Variants in SEL1L3 observed in about 807,000 individuals in gnomAD.
SEL1L3 encodes the protein SEL1L family member 3, also known as protein sel-1 homolog 3.
Under a neutral mutation model 142.8 loss-of-function variants are expected in SEL1L3, and 76 were observed. That is an observed-to-expected ratio of 0.53 (90% CI 0.44 to 0.64). The LOEUF is 0.64. SEL1L3 is among the 30% of genes least tolerant of loss of function. The pLI is 0.00. For synonymous variants in SEL1L3, 504 were observed against 519.6 expected (o/e 0.97, Z 0.41); for missense variants, 1,262 against 1,381.7 (o/e 0.91, Z 1.37).
chr4:25,825,209 C>A (rs775824394), intron 6 of SEL1L3, among the ~76,000 whole-genome samples: 7 of 152,060 alleles, frequency 4.6e-5, no homozygotes, highest in Non-Finnish European at 1.0e-4. Context: ...TTTAAATTGT[C>A]ATTATTATCA....
At chr4:25,766,910 C>A (rs1326274707) in intron 19 of SEL1L3, among the ~76,000 whole-genome samples, 1 of 152,190 alleles carries the variant, frequency 6.6e-6, no homozygotes, top group Non-Finnish European at 1.5e-5. Context: ...CCCCACCATG[C>A]AGAGCAGCGT....
the SEL1L3 span, among the ~76,000 whole-genome samples, chr4:25,741,831 A>AT: frequency 5.6e-3 from 844 of 150,354 alleles, 13 homozygotes; most frequent in African/African-American, 0.019. Context: ...TATTATATAT[A>AT]TTTTTTTTGA....
At chr4:25,741,722 A>G in the SEL1L3 span, among the ~76,000 whole-genome samples, 1 of 152,096 alleles carries the variant, frequency 6.6e-6, no homozygotes, top group Non-Finnish European at 1.5e-5. Flanking sequence ...TTTTTGAAGA[A>G]GAGAAATCTG....
Position 25,862,702 on chromosome 4 carries a change from G to T in SEL1L3, c.135C>A (p.Ala45=). The T allele has an allele frequency of 7.7e-7, 1 of 1,302,516 alleles. No homozygotes were observed. Among genetic ancestry groups the T allele is most frequent in the Non-Finnish European group, 9.8e-7 (1 of 1,022,794 alleles). 80.7% of individuals were successfully genotyped at this position (1,302,516 alleles called of 1,614,324 possible). ...GGTAGCAGAGCAGGAGCAGCGCGCA[G>T]GCAGAGCGGCCGCCGAGGCCCTGGG... is the stretch of plus-strand genomic sequence containing the variant. ...GVPQGLGGRS[A]CALLLLCYLN... Residue 45 remains alanine (A), a synonymous_variant, in exon 1 of 24, where the codon GCC becomes GCA. Coordinates refer to ENST00000399878, the MANE Select transcript of SEL1L3 (RefSeq NM_015187.5).
downstream of SEL1L3, chr4:25,747,289 C>T (rs1226737897): frequency 1.3e-5 from 2 of 152,030 alleles, no homozygotes; most frequent in East Asian, 1.9e-4. Flanking sequence ...TTCCTATCCA[C>T]AAATATTAAT....
intron 2 of SEL1L3, among the ~76,000 whole-genome samples, chr4:25,836,123 T>C (rs1036698355): frequency 6.6e-6 from 1 of 152,206 alleles, no homozygotes; most frequent in Non-Finnish European, 1.5e-5. Context: ...ACTAACCATA[T>C]ACCTTAACAT....
At chr4:25,762,615 A>G (rs1206085721) in intron 20 of SEL1L3, among the ~76,000 whole-genome samples, 1 of 152,220 alleles carries the variant, frequency 6.6e-6, no homozygotes, top group African/African-American at 2.4e-5. Context: ...TGGGGCAGCT[A>G]TTAGGGTTAA....
At chr4:25,773,940 CA>C (rs1043857883) in intron 17 of SEL1L3, among the ~76,000 whole-genome samples, 16 of 152,140 alleles carry the variant, frequency 1.1e-4, no homozygotes, top group African/African-American at 3.6e-4. Context: ...CCAAGCTTCC[CA>C]AACCAGGCAT....
chr4:25,733,834 A>G, the SEL1L3 span, among the ~76,000 whole-genome samples: 1 of 152,088 alleles, frequency 6.6e-6, no homozygotes, highest in Admixed American at 6.6e-5. Flanking sequence ...GTTTTTACAA[A>G]GGACTTCCAG....
At chr4:25,761,298 G>A (rs11725099) in intron 20 of SEL1L3, among the ~76,000 whole-genome samples, 49,971 of 151,938 alleles carry the variant, frequency 0.33, 8,304 homozygotes, top group Middle Eastern at 0.42. Context: ...TGGGATTACA[G>A]GTGCCCACAG....
chr4:25,831,851 T>TC (rs1324286389), intron 5 of SEL1L3, among the ~76,000 whole-genome samples: 2 of 151,994 alleles, frequency 1.3e-5, no homozygotes, highest in East Asian at 3.9e-4. Context: ...TTTGTGACAG[T>TC]CCTTTACCTG....
In SEL1L3 at chr4:25,835,229, C is replaced by T. The variant is rs543592758; in HGVS notation, c.828G>A (p.Glu276=). ...KFPRFRNREL[E]ATRRQRMDYP... The stretch of plus-strand genomic sequence containing the variant: ...AATCCATCCTCTGGCGTCGAGTGGC[C>T]TCCAGCTCTCGGTTCCGAAACCTCG... Residue 276 remains glutamate, a synonymous_variant, in exon 3 of 24, where the codon GAG becomes GAA. Transcript: ENST00000399878. 8.2e-5 allele frequency: 132 copies of T among 1,614,034 alleles called. 3 individuals are homozygous for T. The South Asian group carries it at 1.4e-3, about 17-fold the overall frequency.
At chr4:25,809,726 G>T (rs1713888336) in intron 9 of SEL1L3, among the ~76,000 whole-genome samples, 1 of 151,438 alleles carries the variant, frequency 6.6e-6, no homozygotes, top group Admixed American at 6.6e-5. Flanking sequence ...TGTTTTCTTG[G>T]TGTCTCTGTG....
the SEL1L3 span, among the ~76,000 whole-genome samples, chr4:25,714,555 CT>C: frequency 0.072 from 4,722 of 65,802 alleles, 271 homozygotes; most frequent in African/African-American, 0.2. Context: ...TTTCTTTCTT[CT>C]TTCTTTCTTT....
Position 25,758,930 on chromosome 4 carries a change from T to G in SEL1L3, c.3083+11A>C. 1.2e-6 allele frequency: 2 copies of G among 1,612,494 alleles called. No homozygotes were observed. The stretch of plus-strand genomic sequence containing the variant: ...CCTCAGATTCCACAGTTCTAGAGGC[T>G]CTGAGCTCACCTTTCGTACAGTTCC... On this transcript the variant is annotated intron_variant, in intron 21 of 23. Transcript: ENST00000399878.
chr4:25,813,636 A>G (rs1008116620), intron 9 of SEL1L3, among the ~76,000 whole-genome samples: 3 of 152,218 alleles, frequency 2.0e-5, no homozygotes, highest in African/African-American at 4.8e-5. Flanking sequence ...TCTGTGGCAC[A>G]ATGTGAATAT....
At position 25,780,161 on chromosome 4, in the gene SEL1L3, C is replaced by G. The variant is rs141056569; in HGVS notation, c.2458-958G>C. Among the ~76,000 whole-genome samples the G allele has an allele frequency of 3.7e-3, 559 of 152,196 alleles. 12 individuals carry two copies. Among genetic ancestry groups the G allele is most frequent in the East Asian group, 0.029 (150 of 5,176 alleles). On this transcript the variant is annotated intron_variant, in intron 15 of 23. Transcript: ENST00000399878. Reference sequence around the variant, plus strand: ...GGAGTCACCCCTGACTCTTCTCCACCTCTCACACCCCACATTCAACCCCTC... The same window carrying G: ...GGAGTCACCCCTGACTCTTCTCCACGTCTCACACCCCACATTCAACCCCTC...
In SEL1L3 at chr4:25,830,176, C is replaced by T. The variant is rs755187712; in HGVS notation, c.1099-20G>A. 1 of 1,541,890 alleles carries T rather than the reference C, an allele frequency of 6.5e-7. No homozygotes were observed. Among genetic ancestry groups the T allele is most frequent in the Admixed American group, 1.7e-5 (1 of 59,650 alleles). On this transcript the variant is annotated intron_variant, in intron 5 of 23. Transcript: ENST00000399878. ...TACTATCTATGATGGGAGGGATACACAAGAATCAGTTATGCCTCATCACCC... is the reference window on the plus strand; with the variant it reads ...TACTATCTATGATGGGAGGGATACATAAGAATCAGTTATGCCTCATCACCC...
rs2109185412 is a variant in SEL1L3, at chr4:25,788,109, G to A, written c.2217+115C>T. The A allele has an allele frequency of 1.1e-6, 1 of 935,090 alleles. No homozygotes were observed. The highest frequency in any genetic ancestry group is 1.5e-5 in the South Asian group (1 of 65,312). The allele number at this position is 935,090 out of a possible 1,614,324, so 57.9% of individuals were successfully genotyped here. Reference sequence around the variant, plus strand: ...TTCTTTTCCATCAAGAGTGACAGAAGCATATACTAAATTTCTTCAGTTATC... The same window carrying A: ...TTCTTTTCCATCAAGAGTGACAGAAACATATACTAAATTTCTTCAGTTATC... On this transcript the variant is annotated intron_variant, in intron 13 of 23. Transcript: ENST00000399878. This position sits in a 1 kb window ranked among gnomAD's most constrained non-coding sequence, Gnocchi z 5.3.
Sources: allele counts gnomAD v4.1 joint callset (sites outside exome capture counted in the v4.1 genomes callset), GRCh38; gene constraint gnomAD v4.1.1; non-coding constraint Gnocchi (gnomAD v3.1); transcripts MANE v1.5; gene names NCBI Gene and HGNC (gene_info 2026-07-23, HGNC 2026-07-21).